Variants in ABHD6 observed in about 807,000 individuals in gnomAD.
The protein encoded by ABHD6 is abhydrolase domain containing 6, acylglycerol lipase.
In ABHD6, 33 loss-of-function variants were observed where a neutral mutation model predicts 38.8. The observed-to-expected ratio is 0.85, with a 90% CI of 0.64 to 1.14. The LOEUF (loss-of-function observed/expected upper bound fraction) is 1.14. ABHD6 is among the 50% of genes most tolerant of loss of function. The pLI is 0.00. For synonymous variants in ABHD6, 147 were observed against 161.6 expected (o/e 0.91, Z 0.69); for missense variants, 380 against 422.6 (o/e 0.90, Z 0.88).
At chr3:58,286,852 GTATA>G (rs1235603195) in intron 9 of ABHD6, among the ~76,000 whole-genome samples, 2 of 70,644 alleles carry the variant, frequency 2.8e-5, no homozygotes, top group Non-Finnish European at 5.5e-5. Context: ...GTGTGTGTGT[GTATA>G]TATATATATA....
Position 58,293,509 on chromosome 3 carries a change from G to C in ABHD6, c.838-80G>C. The C allele has an allele frequency of 6.7e-7, 1 of 1,494,168 alleles. No individual in the cohort carries two copies. The allele number at this position is 1,494,168 out of a possible 1,614,324, so 92.6% of individuals were successfully genotyped here. On this transcript the variant is annotated intron_variant, in intron 9 of 9. Transcript: ENST00000478253. This position sits in a 1 kb window ranked among gnomAD's most constrained non-coding sequence, Gnocchi z 4.4. The stretch of plus-strand genomic sequence containing the variant: ...GCCCCACTGACCCCTGCCAGGCCTT[G>C]GTGGAAGTTCTGTCCACAGAGTGCA...
At position 58,273,320 on chromosome 3, in the gene ABHD6, G is replaced by C. The variant is rs928624689; in HGVS notation, c.524-1338G>C. On this transcript the variant is annotated intron_variant, in intron 6 of 9. Coordinates refer to ENST00000478253, the MANE Select transcript of ABHD6 (RefSeq NM_001320126.2). The surrounding 1 kb of genome is among the most constrained non-coding windows in gnomAD (Gnocchi z 4.8). ...CACACCTGTAATCCCAACACTTTGG[G>C]AGGCTAAGAGAGGAGGATTGCTTGA... 2.0e-5 allele frequency among the ~76,000 whole-genome samples: 3 copies of C among 152,058 alleles called. No homozygotes were observed. The highest frequency in any genetic ancestry group is 2.9e-5 in the Non-Finnish European group (2 of 68,020).
intron 1 of ABHD6, among the ~76,000 whole-genome samples, chr3:58,245,227 C>T (rs1183528968): frequency 1.3e-5 from 2 of 152,120 alleles, no homozygotes; most frequent in Non-Finnish European, 2.9e-5. Flanking sequence ...TGCAATGGCT[C>T]GATCTCAGCT....
intron 3 of ABHD6, among the ~76,000 whole-genome samples, chr3:58,262,018 ACT>A (rs1376592852): frequency 3.3e-5 from 5 of 152,198 alleles, no homozygotes; most frequent in African/African-American, 1.2e-4. Flanking sequence ...AAGGAATGAC[ACT>A]CTGATTCATG....
chr3:58,271,963 G>A (rs901240414), intron 6 of ABHD6, among the ~76,000 whole-genome samples: 3 of 151,520 alleles, frequency 2.0e-5, no homozygotes, highest in African/African-American at 7.3e-5. Flanking sequence ...GTGGAGTTTC[G>A]CAATGTTGGC....
chr3:58,264,341 G>C (rs1575521609), intron 3 of ABHD6, among the ~76,000 whole-genome samples: 1 of 150,572 alleles, frequency 6.6e-6, no homozygotes, highest in African/African-American at 2.4e-5. Flanking sequence ...TTTTATGCCA[G>C]ATTGCTTTCT....
intron 5 of ABHD6, among the ~76,000 whole-genome samples, chr3:58,270,651 G>C (rs1455149826): frequency 2.6e-5 from 4 of 152,204 alleles, no homozygotes; most frequent in East Asian, 1.9e-4. Flanking sequence ...GACAGAGTGA[G>C]ACCCTGTCTC....
At chr3:58,278,261 T>A (rs2097450351) in intron 7 of ABHD6, among the ~76,000 whole-genome samples, 1 of 152,242 alleles carries the variant, frequency 6.6e-6, no homozygotes, top group South Asian at 2.1e-4. Flanking sequence ...AGCCATTAAT[T>A]ATTGCCTCAA....
intron 3 of ABHD6, among the ~76,000 whole-genome samples, chr3:58,264,415 A>G (rs879432066): frequency 0.026 from 3,683 of 141,130 alleles, 219 homozygotes; most frequent in African/African-American, 0.1. Context: ...ACACACACAC[A>G]CACACACACA....
intron 2 of ABHD6, among the ~76,000 whole-genome samples, chr3:58,255,785 C>T (rs2097432831): frequency 1.3e-5 from 2 of 152,086 alleles, no homozygotes; most frequent in South Asian, 2.1e-4. Flanking sequence ...GCTGGAATTA[C>T]AGTCACCTGC....
At chr3:58,280,440 C>G (rs948569294) in intron 7 of ABHD6, among the ~76,000 whole-genome samples, 2 of 152,100 alleles carry the variant, frequency 1.3e-5, no homozygotes, top group Admixed American at 1.3e-4. Flanking sequence ...TCAGCTCCAT[C>G]GGGTCATTTA....
At chr3:58,247,342 C>G (rs778673141) in intron 1 of ABHD6, among the ~76,000 whole-genome samples, 27 of 151,998 alleles carry the variant, frequency 1.8e-4, no homozygotes, top group Middle Eastern at 3.4e-3. Flanking sequence ...GCCAGTAGAA[C>G]TTTTGTGATA....
rs532929614 is a variant in ABHD6, at chr3:58,267,437, G to A, written c.276+92G>A. The A allele has an allele frequency of 3.3e-6, 5 of 1,506,720 alleles. No homozygotes were observed. In the South Asian group the frequency reaches 4.7e-5, roughly 14 times the overall value. The allele number at this position is 1,506,720 out of a possible 1,614,324, so 93.3% of individuals were successfully genotyped here. A position where few individuals can be genotyped will look rare whatever the true frequency, so the allele number is the denominator to read the frequency against. Reference sequence around the variant, plus strand: ...CCCAGCACTTTGGGAGCCTGAGGCAGGAGGATTGCTTGAGTCCAGGAGTTC... The same window carrying A: ...CCCAGCACTTTGGGAGCCTGAGGCAAGAGGATTGCTTGAGTCCAGGAGTTC... On this transcript the variant is annotated intron_variant, in intron 4 of 9. Coordinates refer to ENST00000478253, the MANE Select transcript of ABHD6 (RefSeq NM_001320126.2). The surrounding 1 kb of genome is among the most constrained non-coding windows in gnomAD (Gnocchi z 4.3).
At chr3:58,252,154 T>C (rs577114863) in intron 2 of ABHD6, among the ~76,000 whole-genome samples, 1 of 151,928 alleles carries the variant, frequency 6.6e-6, no homozygotes, top group South Asian at 2.1e-4. Flanking sequence ...GTGGCAGCCA[T>C]TCAAGGATGA....
intron 1 of ABHD6, among the ~76,000 whole-genome samples, chr3:58,246,926 T>A (rs1467957247): frequency 6.6e-6 from 1 of 152,204 alleles, no homozygotes; most frequent in Non-Finnish European, 1.5e-5. Context: ...GCTGCTAGGC[T>A]GCATAGTGTG....
In ABHD6 at chr3:58,273,292, G is replaced by C. The variant is rs970140021; in HGVS notation, c.524-1366G>C. On this transcript the variant is annotated intron_variant, in intron 6 of 9. Transcript: ENST00000478253. The surrounding 1 kb of genome is among the most constrained non-coding windows in gnomAD (Gnocchi z 4.8). ...TTTCTAGATTTTGCTGGGTGAGGTA[G>C]CTCACACCTGTAATCCCAACACTTT... Among the ~76,000 whole-genome samples the C allele has an allele frequency of 3.3e-5, 5 of 152,044 alleles. No individual in the cohort carries two copies. Among genetic ancestry groups the C allele is most frequent in the African/African-American group, 1.2e-4 (5 of 41,388 alleles).
intron 7 of ABHD6, among the ~76,000 whole-genome samples, chr3:58,275,359 T>A (rs2097448014): frequency 7.3e-6 from 1 of 137,010 alleles, no homozygotes. Context: ...AGACAGAGTC[T>A]CACTCTGTCA....
chr3:58,244,296 C>G (rs1361356265), intron 1 of ABHD6, among the ~76,000 whole-genome samples: 3 of 152,196 alleles, frequency 2.0e-5, no homozygotes, highest in African/African-American at 4.8e-5. Flanking sequence ...GGGATGAACA[C>G]TCCTTTAGGG....
rs1575519092 is a variant in ABHD6, at chr3:58,258,623, A to C, written c.119+1918A>C. On this transcript the variant is annotated intron_variant, in intron 3 of 9. Coordinates refer to ENST00000478253, the MANE Select transcript of ABHD6 (RefSeq NM_001320126.2). The stretch of plus-strand genomic sequence containing the variant: ...TAGACCTGGTTCCTCTCTGTGCTAT[A>C]GGTAAGCCCATTGAGATCTAACTGG... 3 of 214,222 alleles carry C rather than the reference A, an allele frequency of 1.4e-5. No individual in the cohort carries two copies. In the South Asian group the frequency reaches 1.6e-4, roughly 12 times the overall value. 13.3% of individuals were successfully genotyped at this position (214,222 alleles called of 1,614,324 possible).
Sources: allele counts gnomAD v4.1 joint callset (sites outside exome capture counted in the v4.1 genomes callset), GRCh38; gene constraint gnomAD v4.1.1; non-coding constraint Gnocchi (gnomAD v3.1); transcripts MANE v1.5; gene names NCBI Gene and HGNC (gene_info 2026-07-23, HGNC 2026-07-21).